QTMAN: variants seen among roughly 807,000 people sequenced by gnomAD.
QTMAN encodes queuosine-tRNA mannosyltransferase, also known as tRNA-queuosine alpha-mannosyltransferase.
the QTMAN span, among the ~76,000 whole-genome samples, chr2:144,059,777 G>C: frequency 4.6e-5 from 7 of 151,984 alleles, no homozygotes; most frequent in African/African-American, 1.7e-4. Context: ...TCCACTCTTA[G>C]AATGTGCCAC....
chr2:144,304,074 C>A, the QTMAN span, among the ~76,000 whole-genome samples: 1 of 152,192 alleles, frequency 6.6e-6, no homozygotes, highest in Non-Finnish European at 1.5e-5. Flanking sequence ...TTCCATGAGA[C>A]TGGTAAAAGA....
At chr2:144,272,709 TTATGTGTGTGTGTG>T in the QTMAN span, among the ~76,000 whole-genome samples, 21 of 152,172 alleles carry the variant, frequency 1.4e-4, no homozygotes, top group Admixed American at 2.6e-4. Flanking sequence ...GAAATCTACA[TTATGTGTGTGTGTG>T]TATGTGTGTG....
chr2:144,190,877 A>C, the QTMAN span, among the ~76,000 whole-genome samples: 5 of 152,186 alleles, frequency 3.3e-5, no homozygotes, highest in Admixed American at 6.5e-5. Context: ...AGACCATGTA[A>C]ATTTGCATCA....
At chr2:144,118,291 A>C in the QTMAN span, among the ~76,000 whole-genome samples, 1 of 152,182 alleles carries the variant, frequency 6.6e-6, no homozygotes, top group African/African-American at 2.4e-5. Flanking sequence ...CATGCTATAA[A>C]AATGCCATGG....
chr2:144,019,162 G>A, the QTMAN span, among the ~76,000 whole-genome samples: 1 of 152,142 alleles, frequency 6.6e-6, no homozygotes, highest in African/African-American at 2.4e-5. Context: ...GGGTCAGATT[G>A]GGTCTGAATA....
the QTMAN span, among the ~76,000 whole-genome samples, chr2:144,056,930 A>G: frequency 6.6e-6 from 1 of 152,264 alleles, no homozygotes; most frequent in South Asian, 2.1e-4. Context: ...TTGCGATAGC[A>G]AAACTATCTC....
the QTMAN span, among the ~76,000 whole-genome samples, chr2:144,203,219 A>C: frequency 6.6e-6 from 1 of 151,844 alleles, no homozygotes; most frequent in East Asian, 1.9e-4. Flanking sequence ...ATGTATGCGC[A>C]TATGAGAAAC....
the QTMAN span, among the ~76,000 whole-genome samples, chr2:144,133,368 A>T: frequency 5.5e-5 from 3 of 54,406 alleles, no homozygotes; most frequent in East Asian, 1.6e-3. Flanking sequence ...ATATAATATA[A>T]TATATAATAA....
the QTMAN span, among the ~76,000 whole-genome samples, chr2:143,985,890 A>C: frequency 4.6e-5 from 7 of 152,318 alleles, no homozygotes; most frequent in South Asian, 1.2e-3. Context: ...AAGCTAGTGC[A>C]TAGGTTAGTA....
chr2:144,029,242 G>T, the QTMAN span, among the ~76,000 whole-genome samples: 1 of 152,176 alleles, frequency 6.6e-6, no homozygotes, highest in Non-Finnish European at 1.5e-5. Flanking sequence ...CAGTACACCT[G>T]CTTAGCCTAG....
At chr2:143,947,916 G>A in the QTMAN span, among the ~76,000 whole-genome samples, 2 of 152,058 alleles carry the variant, frequency 1.3e-5, no homozygotes, top group African/African-American at 4.8e-5. Context: ...GGAGGGAAAG[G>A]CAGAGGAGGG....
At chr2:144,121,400 A>G in the QTMAN span, among the ~76,000 whole-genome samples, 3 of 152,164 alleles carry the variant, frequency 2.0e-5, no homozygotes, top group African/African-American at 7.2e-5. Flanking sequence ...GATGTTCTTC[A>G]CTGATAAGGA....
the QTMAN span, among the ~76,000 whole-genome samples, chr2:144,210,125 G>A: frequency 3.9e-5 from 6 of 152,048 alleles, no homozygotes; most frequent in South Asian, 6.2e-4. Context: ...ATCAGTGGTC[G>A]TCCTCAGATG....
chr2:144,177,008 A>G, the QTMAN span: 1 of 621,212 alleles, frequency 1.6e-6, no homozygotes, highest in East Asian at 2.7e-5. Context: ...GAGCAGGACA[A>G]AGAGAGAGAG....
the QTMAN span, among the ~76,000 whole-genome samples, chr2:144,139,098 CAA>C: frequency 6.6e-6 from 1 of 151,876 alleles, no homozygotes; most frequent in Non-Finnish European, 1.5e-5. Flanking sequence ...GAAAATAGGA[CAA>C]GAGTGAAATT....
At chr2:144,158,574 C>CA in the QTMAN span, among the ~76,000 whole-genome samples, 1 of 151,620 alleles carries the variant, frequency 6.6e-6, no homozygotes, top group Non-Finnish European at 1.5e-5. Flanking sequence ...GCTGTAGGGA[C>CA]ATCAGATCTT....
At chr2:144,029,907 C>T in the QTMAN span, among the ~76,000 whole-genome samples, 30 of 152,040 alleles carry the variant, frequency 2.0e-4, no homozygotes, top group African/African-American at 7.0e-4. Flanking sequence ...TACAGCATAG[C>T]GTGAGTGTGA....
the QTMAN span, among the ~76,000 whole-genome samples, chr2:144,303,377 T>A: frequency 6.6e-6 from 1 of 152,128 alleles, no homozygotes; most frequent in Non-Finnish European, 1.5e-5. Flanking sequence ...ATGAAGATGA[T>A]TTATTTAAAA....
At chr2:144,297,582 T>C in the QTMAN span, among the ~76,000 whole-genome samples, 1 of 146,192 alleles carries the variant, frequency 6.8e-6, no homozygotes. Flanking sequence ...TCCGTCTTTT[T>C]TTTTTTTTTT....
Sources: allele counts gnomAD v4.1 joint callset (sites outside exome capture counted in the v4.1 genomes callset), GRCh38; gene constraint gnomAD v4.1.1; transcripts MANE v1.5; gene names NCBI Gene and HGNC (gene_info 2026-07-23, HGNC 2026-07-21).